The following BST1 variants were observed in gnomAD, a reference collection of about 807,000 sequenced individuals.
BST1 encodes bone marrow stromal cell antigen 1.
BST1 carries 49 observed loss-of-function variants against 40.6 expected under a neutral mutation model. That is an observed-to-expected ratio of 1.21 (90% CI 0.96 to 1.53). The LOEUF is 1.53. Ranked by LOEUF, BST1 falls within the 40% of genes most tolerant of loss-of-function variation. The pLI is 0.00. For missense variants in BST1, 423 were observed against 395.9 expected (o/e 1.07, Z -0.58); for synonymous variants, 157 against 159.3 (o/e 0.99, Z 0.11).
the BST1 span, among the ~76,000 whole-genome samples, chr4:15,766,225 T>C: frequency 6.6e-6 from 1 of 152,066 alleles, no homozygotes; most frequent in East Asian, 1.9e-4. Context: ...TGGTTATCCA[T>C]GATACGAGCT....
chr4:15,740,273 G>A (rs28464113), downstream of BST1, among the ~76,000 whole-genome samples: 5,423 of 152,236 alleles, frequency 0.036, 290 homozygotes, highest in African/African-American at 0.12. Flanking sequence ...GACCAGGCTG[G>A]TCTCAAACTT....
chr4:15,741,446 C>T (rs544696472), downstream of BST1, among the ~76,000 whole-genome samples: 1 of 152,308 alleles, frequency 6.6e-6, no homozygotes, highest in South Asian at 2.1e-4. Flanking sequence ...CTGTTCACAT[C>T]CTCAATAACC....
the BST1 span, among the ~76,000 whole-genome samples, chr4:15,760,342 G>C: frequency 6.6e-6 from 1 of 151,578 alleles, no homozygotes; most frequent in Admixed American, 6.6e-5. Flanking sequence ...AAGGATATTT[G>C]GGTTGTTTCT....
At chr4:15,725,020 G>A (rs536240863) in intron 8 of BST1, among the ~76,000 whole-genome samples, 5 of 152,258 alleles carry the variant, frequency 3.3e-5, no homozygotes, top group South Asian at 4.2e-4. Context: ...AAAGGAAGCC[G>A]GGTGCCTCTG....
chr4:15,769,434 A>C, the BST1 span, among the ~76,000 whole-genome samples: 1 of 152,156 alleles, frequency 6.6e-6, no homozygotes, highest in South Asian at 2.1e-4. Flanking sequence ...AGGCTCCCCC[A>C]TTTCTAGAAG....
chr4:15,731,575 A>G, intron 8 of BST1, 165 bp from the exon 9 acceptor site: 2 of 1,077,700 alleles, frequency 1.9e-6, no homozygotes, highest in Non-Finnish European at 1.4e-6. Context: ...GTTTCGGTGC[A>G]GGACTTCGCG....
chr4:15,762,963 T>C, the BST1 span, among the ~76,000 whole-genome samples: 2 of 152,054 alleles, frequency 1.3e-5, no homozygotes, highest in Admixed American at 6.5e-5. Context: ...GTGAATATGA[T>C]GGATACTTAG....
the BST1 span, among the ~76,000 whole-genome samples, chr4:15,765,005 C>T: frequency 6.6e-6 from 1 of 151,922 alleles, no homozygotes; most frequent in Non-Finnish European, 1.5e-5. Flanking sequence ...AAAAGTCACT[C>T]TTCCTCTCTG....
At chr4:15,744,502 C>A in the BST1 span, among the ~76,000 whole-genome samples, 1 of 152,218 alleles carries the variant, frequency 6.6e-6, no homozygotes, top group Non-Finnish European at 1.5e-5. Context: ...ATAATCCAAT[C>A]ACCTCCACCT....
At chr4:15,764,655 C>A in the BST1 span, among the ~76,000 whole-genome samples, 1 of 151,884 alleles carries the variant, frequency 6.6e-6, no homozygotes, top group Non-Finnish European at 1.5e-5. Context: ...TCTATTCACC[C>A]TATTTCTGGT....
At chr4:15,730,299 G>A (rs1157572040) in intron 8 of BST1, among the ~76,000 whole-genome samples, 4 of 152,206 alleles carry the variant, frequency 2.6e-5, no homozygotes, top group Non-Finnish European at 4.4e-5. Context: ...AAAGAATTCA[G>A]TAATTTCTGT....
chr4:15,739,417 G>A (rs190108531), downstream of BST1, among the ~76,000 whole-genome samples: 12 of 152,236 alleles, frequency 7.9e-5, no homozygotes, highest in East Asian at 2.3e-3. Context: ...TAAAGCACAT[G>A]TATTCTTTGT....
intron 3 of BST1, among the ~76,000 whole-genome samples, chr4:15,708,331 G>A (rs566223648): frequency 1.2e-4 from 19 of 152,328 alleles, no homozygotes; most frequent in African/African-American, 4.1e-4. Context: ...TCATCCAACT[G>A]TGGTGCTAGG....
chr4:15,713,789 C>T (rs142509967), intron 4 of BST1, among the ~76,000 whole-genome samples: 2 of 151,726 alleles, frequency 1.3e-5, no homozygotes, highest in African/African-American at 2.4e-5. Flanking sequence ...CTGCAACCTC[C>T]ACCTCCTAGG....
In BST1 at chr4:15,707,855, C is replaced by CTA. The variant is rs1553863514; in HGVS notation, c.451+228_451+229dup. Among the ~76,000 whole-genome samples, 1,170 of 128,478 alleles carry CTA rather than the reference C, an allele frequency of 9.1e-3. 19 individuals are homozygous for CTA. Among genetic ancestry groups the CTA allele is most frequent in the Admixed American group, 0.03 (369 of 12,272 alleles). 84.3% of individuals were successfully genotyped at this position (128,478 alleles called of 152,430 possible). On this transcript the variant is annotated intron_variant, in intron 3 of 8. Coordinates refer to ENST00000265016, the MANE Select transcript of BST1 (RefSeq NM_004334.3). The stretch of plus-strand genomic sequence containing the variant: ...AAGCACTCTCTCTCTCTCTCTCTCT[C>CTA]TATATATATATATATATATACACAT...
At chr4:15,714,176 A>T (rs1720382555) in intron 4 of BST1, among the ~76,000 whole-genome samples, 1 of 152,176 alleles carries the variant, frequency 6.6e-6, no homozygotes, top group Admixed American at 6.5e-5. Flanking sequence ...TTTAACTATG[A>T]CTGTTAGCAC....
chr4:15,729,959 A>T (rs1015938498), intron 8 of BST1, among the ~76,000 whole-genome samples: 1 of 152,240 alleles, frequency 6.6e-6, no homozygotes, highest in Non-Finnish European at 1.5e-5. Flanking sequence ...GTATCTAATT[A>T]TGTGTTATTT....
intron 1 of BST1, chr4:15,704,923 A>T: frequency 1.3e-6 from 1 of 774,904 alleles, no homozygotes; most frequent in Non-Finnish European, 2.4e-6. Flanking sequence ...ATTTCAGGCA[A>T]ATAAGAAACA....
chr4:15,708,538 A>G (rs1427431602), intron 3 of BST1, among the ~76,000 whole-genome samples: 1 of 152,190 alleles, frequency 6.6e-6, no homozygotes, highest in East Asian at 1.9e-4. Flanking sequence ...TGTTTCCATT[A>G]TGAAGACTGG....
Sources: gnomAD v4.1 joint callset for allele counts (sites outside exome capture counted in the v4.1 genomes callset) on GRCh38, gnomAD v4.1.1 for gene constraint, MANE v1.5 for transcripts, NCBI Gene and HGNC (gene_info 2026-07-23, HGNC 2026-07-21) for gene names.